The following DENND2B variants were observed in gnomAD, a reference collection of about 807,000 sequenced individuals.
DENND2B encodes DENN domain containing 2B, also known as DENN domain-containing protein 2B.
In DENND2B, 32 loss-of-function variants were observed where a neutral mutation model predicts 116.0. The ratio of observed to expected loss-of-function variants is 0.28; its 90% CI spans 0.21 to 0.37. The LOEUF is 0.37. Ranked by LOEUF, DENND2B falls within the 10% of genes least tolerant of loss-of-function variation. The pLI is 1.00. For missense variants in DENND2B, 1,276 were observed against 1,477.7 expected, an observed-to-expected ratio of 0.86 and a Z score of 2.24; for synonymous variants, 588 against 583.9, an observed-to-expected ratio of 1.01 and a Z score of -0.10.
At position 8,901,229 on chromosome 11, in the gene DENND2B, C is replaced by CTTTTCTTT. The variant is rs781408078; in HGVS notation, c.-256+9591_-256+9592insAAAGAAAA. ...CTTTTTCTTTCTTTTCTTTTCTTTT[C>CTTTTCTTT]TTTTTTTTTTTTTTTTTTGAGATGG... On this transcript the variant is annotated intron_variant, in intron 1 of 22. Transcript: ENST00000534127. 6.6e-3 allele frequency among the ~76,000 whole-genome samples: 551 copies of CTTTTCTTT among 83,950 alleles called. 25 individuals are homozygous for CTTTTCTTT. Among genetic ancestry groups the CTTTTCTTT allele is most frequent in the African/African-American group, 0.016 (330 of 20,814 alleles). The allele number at this position is 83,950 out of a possible 152,430, so 55.1% of individuals were successfully genotyped here. A position where few individuals can be genotyped will look rare whatever the true frequency, so the allele number is the denominator to read the frequency against.
chr11:8,896,966 G>A (rs575853643), intron 1 of DENND2B, among the ~76,000 whole-genome samples: 86 of 152,274 alleles, frequency 5.6e-4, no homozygotes, highest in Non-Finnish European at 1.0e-3. Flanking sequence ...GACTGGGCTC[G>A]GTGGCTCATG....
intron 3 of DENND2B, among the ~76,000 whole-genome samples, chr11:8,847,210 C>T (rs1168186457): frequency 2.0e-5 from 3 of 152,200 alleles, no homozygotes; most frequent in African/African-American, 2.4e-5. Context: ...GTACAAACCA[C>T]GTTCTAGTGG....
intron 2 of DENND2B, 89 bp from the exon 3 acceptor site, chr11:8,731,298 C>G: frequency 1.6e-6 from 2 of 1,264,390 alleles, no homozygotes; most frequent in Non-Finnish European, 2.1e-6. Flanking sequence ...TCTTACAGAA[C>G]TCAGCATCTT....
At chr11:8,796,200 C>T (rs530837669) in intron 1 of DENND2B, among the ~76,000 whole-genome samples, 10 of 152,088 alleles carry the variant, frequency 6.6e-5, no homozygotes, top group Non-Finnish European at 1.3e-4. Context: ...TTCAGAATCC[C>T]GGGCCTTCAC....
upstream of DENND2B, among the ~76,000 whole-genome samples, chr11:8,813,889 C>T (rs142590650): frequency 0.015 from 2,338 of 152,260 alleles, 47 homozygotes; most frequent in South Asian, 0.07. Flanking sequence ...GTACACACTC[C>T]TTGAACTGGG....
chr11:8,800,614 T>C (rs1430695483), intron 1 of DENND2B, among the ~76,000 whole-genome samples: 4 of 152,198 alleles, frequency 2.6e-5, no homozygotes, highest in African/African-American at 4.8e-5. Context: ...AGGAACTCCC[T>C]ATTCTGCCCT....
At chr11:8,889,081 A>G (rs1262556471) in intron 1 of DENND2B, among the ~76,000 whole-genome samples, 1 of 152,250 alleles carries the variant, frequency 6.6e-6, no homozygotes, top group Non-Finnish European at 1.5e-5. Flanking sequence ...CCATGGGTAT[A>G]TACCCAAAAA....
intron 3 of DENND2B, among the ~76,000 whole-genome samples, chr11:8,847,699 G>A (rs189285679): frequency 3.3e-5 from 5 of 152,220 alleles, no homozygotes; most frequent in Non-Finnish European, 5.9e-5. Flanking sequence ...AACAGACTAC[G>A]CAAGTGCTGG....
At chr11:8,857,553 G>A (rs972776937) in intron 2 of DENND2B, 1 of 152,218 alleles carries the variant, frequency 6.6e-6, no homozygotes, top group Non-Finnish European at 1.5e-5. Flanking sequence ...AGCCTGGTCT[G>A]TCTCCGATGG....
At position 8,714,667 on chromosome 11, in the gene DENND2B, C is replaced by CAA; in HGVS notation, c.1884_1885insTT (p.Gly629LeufsTer6). ...GACAACTTTTTTAATCTCTTCTTTC[C>CAA]TCTCTTGGCATTGTAGATGGAGTTA... On this transcript the variant is annotated frameshift_variant, in exon 7 of 20. Transcript: ENST00000313726. LOFTEE classifies it high-confidence loss of function. 1 of 1,614,186 alleles carries CAA rather than the reference C, an allele frequency of 6.2e-7. No individual in the cohort carries two copies. The highest frequency in any genetic ancestry group is 8.5e-7 in the Non-Finnish European group (1 of 1,180,046).
chr11:8,899,135 G>A (rs921049669), intron 1 of DENND2B, among the ~76,000 whole-genome samples: 3 of 151,940 alleles, frequency 2.0e-5, no homozygotes, highest in African/African-American at 7.2e-5. Flanking sequence ...CTGGAAGATA[G>A]ATAGATCAAT....
At chr11:8,802,299 GAAA>G (rs35492912) in intron 1 of DENND2B, among the ~76,000 whole-genome samples, 1 of 144,540 alleles carries the variant, frequency 6.9e-6, no homozygotes, top group Non-Finnish European at 1.5e-5. Context: ...ACTCTGTCTG[GAAA>G]AAAAAAAAAG....
chr11:8,719,180 A>G (rs2045683371), intron 4 of DENND2B: 6 of 985,550 alleles, frequency 6.1e-6, no homozygotes, highest in Non-Finnish European at 7.2e-6. Context: ...GGCTGCTGAG[A>G]GTGAAGCTTT....
At chr11:8,811,528 T>G (rs1172583605), upstream of DENND2B, 2 of 387,322 alleles carry the variant, frequency 5.2e-6, no homozygotes, top group Non-Finnish European at 9.1e-6. Context: ...TGTCAGAAAA[T>G]GAGCACAGTC....
chr11:8,793,679 C>A (rs1191769303), intron 1 of DENND2B, among the ~76,000 whole-genome samples: 1 of 152,302 alleles, frequency 6.6e-6, no homozygotes, highest in Admixed American at 6.5e-5. Context: ...TGAACACTGG[C>A]ATGCAAGAAT....
chr11:8,711,031 A>G, intron 10 of DENND2B, 91 bp downstream of exon 10: 1 of 1,556,230 alleles, frequency 6.4e-7, no homozygotes, highest in Non-Finnish European at 8.9e-7. Context: ...GTAGGAGAGG[A>G]TGAGACTAGA....
At chr11:8,897,610 A>G (rs1594355454) in intron 1 of DENND2B, among the ~76,000 whole-genome samples, 1 of 152,192 alleles carries the variant, frequency 6.6e-6, no homozygotes, top group African/African-American at 2.4e-5. Flanking sequence ...AGATCTAGGG[A>G]AAAAGACAGC....
At chr11:8,779,640 A>C (rs1023946524) in intron 1 of DENND2B, among the ~76,000 whole-genome samples, 1 of 151,000 alleles carries the variant, frequency 6.6e-6, no homozygotes, top group Admixed American at 6.6e-5. Context: ...CAGCCTCCTG[A>C]GTAGCTGGGA....
chr11:8,875,309 T>C (rs2063830462), upstream of DENND2B, among the ~76,000 whole-genome samples: 1 of 147,756 alleles, frequency 6.8e-6, no homozygotes, highest in Admixed American at 6.8e-5. Context: ...GGCTACAGAG[T>C]GAGACTCAGT....
Sources: allele counts gnomAD v4.1 joint callset (sites outside exome capture counted in the v4.1 genomes callset), GRCh38; gene constraint gnomAD v4.1.1; transcripts MANE v1.5; gene names NCBI Gene and HGNC (gene_info 2026-07-23, HGNC 2026-07-21).